Variants in NCDN observed in about 807,000 individuals in gnomAD.
NCDN encodes neurochondrin.
A neutral mutation model predicts 60.7 loss-of-function variants in NCDN; 9 were observed. The ratio of observed to expected loss-of-function variants is 0.15; its 90% CI spans 0.09 to 0.26. NCDN has a LOEUF of 0.26. Among genes scored for constraint, NCDN ranks in the 10% least tolerant of loss-of-function variants. NCDN has a pLI of 1.00. For synonymous variants in NCDN, 409 were observed against 442.5 expected (o/e 0.92, Z 0.95); for missense variants, 578 against 975.2 (o/e 0.59, Z 5.42).
rs1648851329 is a variant in NCDN at position 35,565,715 on chromosome 1, G to A, written c.*52G>A. 8.1e-6 allele frequency: 12 copies of A among 1,474,062 alleles called. No homozygotes were observed. Among genetic ancestry groups the A allele is most frequent in the Non-Finnish European group, 1.1e-5 (12 of 1,105,652 alleles). The allele number at this position is 1,474,062 out of a possible 1,614,324, so 91.3% of individuals were successfully genotyped here. On this transcript the variant is annotated 3_prime_UTR_variant, in exon 7 of 7. Transcript: ENST00000373243. This position sits in a 1 kb window ranked among gnomAD's most constrained non-coding sequence, Gnocchi z 8.9. Reference sequence around the variant, plus strand: ...GGGCGGGCAGAGAGGGAAGGAGGGAGGAGGCATCTTCCCTGAAGCCCCCAA... The same window carrying A: ...GGGCGGGCAGAGAGGGAAGGAGGGAAGAGGCATCTTCCCTGAAGCCCCCAA...
rs1347739249 is a variant in NCDN at position 35,562,480 on chromosome 1, G to A, written c.1232G>A (p.Arg411His). The A allele has an allele frequency of 1.1e-5, 17 of 1,614,166 alleles. No individual in the cohort carries two copies. Among genetic ancestry groups the A allele is most frequent in the Admixed American group, 1.7e-5 (1 of 60,030 alleles). Residue 411 changes from arginine to histidine, a missense_variant, in exon 4 of 7, where the codon CGT (arginine) becomes CAT (histidine). Transcript: ENST00000373243. The surrounding 1 kb of genome is among the most constrained non-coding windows in gnomAD (Gnocchi z 6.8). ...CTGGCCGAGGAGACCTCATCCTTGC[G>A]TAAGGAGGTGTGCCAGCTGCTGCCC... is the stretch of plus-strand genomic sequence containing the variant. ...AWLAEETSSL[R>H]KEVCQLLPFL... is the part of the protein sequence containing the mutation.
Position 35,558,205 on chromosome 1 carries a change from C to T in NCDN, c.15C>T (p.Asp5=), listed in dbSNP as rs1348296213. 2 of 1,613,982 alleles carry T rather than the reference C, an allele frequency of 1.2e-6. No homozygotes were observed. The highest frequency in any genetic ancestry group is 8.5e-7 in the Non-Finnish European group (1 of 1,180,012). The part of the protein sequence containing the change: MSCC[D]LAAAGQLGKA... ...TGACTTCATCAATGTCGTGTTGTGA[C>T]CTGGCTGCGGCGGGACAGGTGGTGA... Residue 5 remains aspartate, a synonymous_variant, in exon 1 of 7, where the codon GAC becomes GAT. Coordinates refer to ENST00000373243, the MANE Select transcript of NCDN (RefSeq NM_014284.3). This position sits in a 1 kb window ranked among gnomAD's most constrained non-coding sequence, Gnocchi z 6.3.
rs1276768527 is a variant in NCDN at position 35,560,124 on chromosome 1, A to G, written c.175-202A>G. Among the ~76,000 whole-genome samples, 1 of 152,186 alleles carries G rather than the reference A, an allele frequency of 6.6e-6. No individual in the cohort carries two copies. Among genetic ancestry groups the G allele is most frequent in the Non-Finnish European group, 1.5e-5 (1 of 68,032 alleles). On this transcript the variant is annotated intron_variant, in intron 2 of 6. Transcript: ENST00000373243. This position sits in a 1 kb window ranked among gnomAD's most constrained non-coding sequence, Gnocchi z 7.6. Reference sequence around the variant, plus strand: ...TTGAGGAAGACTAGACCTCACTTCCATGGGACAGTCACAGATGAGAGGGAT... The same window carrying G: ...TTGAGGAAGACTAGACCTCACTTCCGTGGGACAGTCACAGATGAGAGGGAT...
In NCDN at chr1:35,561,005, C is replaced by T; in HGVS notation, c.854C>T (p.Ala285Val). Reference protein sequence around the residue: ...SWQRNPALKLAARLAHACGSD... With the variant: ...SWQRNPALKLVARLAHACGSD... The stretch of plus-strand genomic sequence containing the variant: ...CAGCGCAACCCTGCACTGAAGCTGG[C>T]AGCCCGCCTGGCACACGCCTGCGGC... Residue 285 changes from alanine to valine, a missense_variant, in exon 3 of 7, where the codon GCA (alanine) becomes GTA (valine). Physicochemically the swap from Ala to Val is moderately conservative, Grantham distance 64. This residue lies in a region of NCDN where 363 missense variants were observed against 583.6 expected (regional missense o/e 0.62). Transcript: ENST00000373243. This position sits in a 1 kb window ranked among gnomAD's most constrained non-coding sequence, Gnocchi z 4.9. The T allele has an allele frequency of 6.2e-7, 1 of 1,612,414 alleles. No homozygotes were observed. The highest frequency in any genetic ancestry group is 8.5e-7 in the Non-Finnish European group (1 of 1,179,144).
At chr1:35,559,945 G>T (rs1648641724) in intron 2 of NCDN, among the ~76,000 whole-genome samples, 1 of 152,160 alleles carries the variant, frequency 6.6e-6, no homozygotes, top group Non-Finnish European at 1.5e-5. Context: ...ATGGATCAGG[G>T]ACTTCTCTGG....
In NCDN at chr1:35,565,569, G is replaced by C. The variant is rs1384220448; in HGVS notation, c.2096G>C (p.Arg699Pro). The change falls in exon 7 of 7, where the codon CGG becomes CCG. Residue 699 changes from arginine to proline, a missense_variant. Physicochemically the swap from Arg to Pro is moderately radical, Grantham distance 103. Around this residue, in one of 3 missense-constraint regions of NCDN, gnomAD observed 191 missense variants for 372.1 expected, o/e 0.51. Coordinates refer to ENST00000373243, the MANE Select transcript of NCDN (RefSeq NM_014284.3). This position sits in a 1 kb window ranked among gnomAD's most constrained non-coding sequence, Gnocchi z 8.9. ...CTGGTGGAGCTGGCGCGGGCCAACC[G>C]GCTGTGCCGGGAGGCCATGAGGCTG... is the stretch of plus-strand genomic sequence containing the variant. The part of the protein sequence containing the change: ...GVLVELARAN[R>P]LCREAMRLQA... 1 of 1,563,650 alleles carries C rather than the reference G, an allele frequency of 6.4e-7. No homozygotes were observed. Among genetic ancestry groups the C allele is most frequent in the Non-Finnish European group, 8.6e-7 (1 of 1,157,770 alleles).
At position 35,566,030 on chromosome 1, in the gene NCDN, C is replaced by A; in HGVS notation, c.*367C>A. 1 of 246,422 alleles carries A rather than the reference C, an allele frequency of 4.1e-6. No homozygotes were observed. The highest frequency in any genetic ancestry group is 8.0e-6 in the Non-Finnish European group (1 of 125,516). The allele number at this position is 246,422 out of a possible 1,614,324, so 15.3% of individuals were successfully genotyped here. A position where few individuals can be genotyped will look rare whatever the true frequency, so the allele number is the denominator to read the frequency against. On this transcript the variant is annotated 3_prime_UTR_variant, in exon 7 of 7. Transcript: ENST00000373243. The surrounding 1 kb of genome is among the most constrained non-coding windows in gnomAD (Gnocchi z 5.3). ...GACAGGGCTGGCAGGAGCAGACTGC[C>A]TCAGCCCATGTGCCCTGCCGGCCAG...
At position 35,560,681 on chromosome 1, in the gene NCDN, C is replaced by T. The variant is rs947943197; in HGVS notation, c.530C>T (p.Thr177Ile). Residue 177 changes from threonine to isoleucine, a missense_variant, in exon 3 of 7, where the codon ACC (threonine) becomes ATC (isoleucine). Transcript: ENST00000373243. The surrounding 1 kb of genome is among the most constrained non-coding windows in gnomAD (Gnocchi z 7.6). The part of the protein sequence containing the change: ...RGPRHLIAGG[T>I]VSALCQAYLG... ...CCTCGGCACCTCATTGCTGGTGGCA[C>T]CGTGTCTGCCCTATGCCAGGCATAC... The T allele has an allele frequency of 4.3e-6, 7 of 1,612,980 alleles. No individual in the cohort carries two copies. In the African/African-American group the frequency reaches 8.0e-5, roughly 18 times the overall value.
At chr1:35,564,028 G>C (rs1196046679) in intron 6 of NCDN, 119 bp downstream of exon 6, 2 of 1,261,648 alleles carry the variant, frequency 1.6e-6, no homozygotes, top group African/African-American at 3.0e-5. Flanking sequence ...CTAAGCAAGA[G>C]GAAATCTTTG....
chr1:35,566,416 A>G lies in NCDN; in HGVS notation c.*753A>G, dbSNP rs867620004. Reference sequence around the variant, plus strand: ...GTCCTTATCCCTGCTTGGACACCTGAGCATCTGATTCCTGTCCCCCTGGTG... The same window carrying G: ...GTCCTTATCCCTGCTTGGACACCTGGGCATCTGATTCCTGTCCCCCTGGTG... On this transcript the variant is annotated 3_prime_UTR_variant, in exon 7 of 7. Coordinates refer to ENST00000373243, the MANE Select transcript of NCDN (RefSeq NM_014284.3). This position sits in a 1 kb window ranked among gnomAD's most constrained non-coding sequence, Gnocchi z 5.3. 8.5e-5 allele frequency: 21 copies of G among 247,448 alleles called. No individual in the cohort carries two copies. Among genetic ancestry groups the G allele is most frequent in the African/African-American group, 4.5e-4 (20 of 44,368 alleles). 15.3% of individuals were successfully genotyped at this position (247,448 alleles called of 1,614,324 possible).
rs908562204 is a variant in NCDN at position 35,566,097 on chromosome 1, C to G, written c.*434C>G. 1 of 189,812 alleles carries G rather than the reference C, an allele frequency of 5.3e-6. No individual in the cohort carries two copies. Among genetic ancestry groups the G allele is most frequent in the African/African-American group, 2.4e-5 (1 of 41,956 alleles). 11.8% of individuals were successfully genotyped at this position (189,812 alleles called of 1,614,324 possible). On this transcript the variant is annotated 3_prime_UTR_variant, in exon 7 of 7. Coordinates refer to ENST00000373243, the MANE Select transcript of NCDN (RefSeq NM_014284.3). The surrounding 1 kb of genome is among the most constrained non-coding windows in gnomAD (Gnocchi z 5.3). ...GGCTGTGGTGCCTCCTCTGGCCCCC[C>G]AGGTCCACGTCCTTTAAATTGGCCC...
chr1:35,563,487 G>A lies in NCDN; in HGVS notation c.1610+61G>A. The A allele has an allele frequency of 6.4e-7, 1 of 1,553,034 alleles. No individual in the cohort carries two copies. The highest frequency in any genetic ancestry group is 2.3e-5 in the East Asian group (1 of 44,198). Reference sequence around the variant, plus strand: ...AGGAGGCAAAGGAGGCTGCCCAGTTGCCTCAATTCTCAGTCTCCTACTTTG... The same window carrying A: ...AGGAGGCAAAGGAGGCTGCCCAGTTACCTCAATTCTCAGTCTCCTACTTTG... On this transcript the variant is annotated intron_variant, in intron 5 of 6. Transcript: ENST00000373243. The surrounding 1 kb of genome is among the most constrained non-coding windows in gnomAD (Gnocchi z 6.6).
Position 35,565,687 on chromosome 1 carries a change from C to T in NCDN, c.*24C>T, listed in dbSNP as rs781317782. 1 of 1,521,402 alleles carries T rather than the reference C, an allele frequency of 6.6e-7. No individual in the cohort carries two copies. Among genetic ancestry groups the T allele is most frequent in the Admixed American group, 2.0e-5 (1 of 49,924 alleles). 94.2% of individuals were successfully genotyped at this position (1,521,402 alleles called of 1,614,324 possible). A position where few individuals can be genotyped will look rare whatever the true frequency, so the allele number is the denominator to read the frequency against. On this transcript the variant is annotated 3_prime_UTR_variant, in exon 7 of 7. Transcript: ENST00000373243. This position sits in a 1 kb window ranked among gnomAD's most constrained non-coding sequence, Gnocchi z 8.9. Reference sequence around the variant, plus strand: ...GAGGGGTGTCCACCGGGGACAGACCCAGGGGCGGGCAGAGAGGGAAGGAGG... The same window carrying T: ...GAGGGGTGTCCACCGGGGACAGACCTAGGGGCGGGCAGAGAGGGAAGGAGG...
At position 35,558,058 on chromosome 1, in the gene NCDN, C is replaced by CT. The variant is rs60735382; in HGVS notation, c.-121dup. On this transcript the variant is annotated 5_prime_UTR_variant, in exon 1 of 7. The change creates a premature stop within an existing upstream ORF in the 5' untranslated region. Transcript: ENST00000373243. The surrounding 1 kb of genome is among the most constrained non-coding windows in gnomAD (Gnocchi z 6.3). ...TGTCACAGCCCTTTTCAATATATATCTTTTTTTTTTTTAATTTGCCCTGTC... is the reference window on the plus strand; with the variant it reads ...TGTCACAGCCCTTTTCAATATATATCTTTTTTTTTTTTTAATTTGCCCTGTC... 0.042 allele frequency: 42,553 copies of CT among 1,007,352 alleles called. 405 individuals are homozygous for CT. The highest frequency in any genetic ancestry group is 0.13 in the African/African-American group (8,264 of 61,364). 62.4% of individuals were successfully genotyped at this position (1,007,352 alleles called of 1,614,324 possible). A position where few individuals can be genotyped will look rare whatever the true frequency, so the allele number is the denominator to read the frequency against.
Position 35,565,568 on chromosome 1 carries a change from C to T in NCDN, c.2095C>T (p.Arg699Trp). 6.4e-7 allele frequency: 1 copy of T among 1,563,324 alleles called. No individual in the cohort carries two copies. Among genetic ancestry groups the T allele is most frequent in the Non-Finnish European group, 8.6e-7 (1 of 1,157,510 alleles). ...CCTGGTGGAGCTGGCGCGGGCCAACCGGCTGTGCCGGGAGGCCATGAGGCT... is the reference window on the plus strand; with the variant it reads ...CCTGGTGGAGCTGGCGCGGGCCAACTGGCTGTGCCGGGAGGCCATGAGGCT... Reference protein sequence around the residue: ...GVLVELARANRLCREAMRLQA... With the variant: ...GVLVELARANWLCREAMRLQA... The change falls in exon 7 of 7, where the codon CGG becomes TGG. Residue 699 changes from arginine to tryptophan, a missense_variant. Around this residue, in one of 3 missense-constraint regions of NCDN, gnomAD observed 191 missense variants for 372.1 expected, o/e 0.51. Coordinates refer to ENST00000373243, the MANE Select transcript of NCDN (RefSeq NM_014284.3). This position sits in a 1 kb window ranked among gnomAD's most constrained non-coding sequence, Gnocchi z 8.9.
In NCDN at chr1:35,557,935, C is replaced by G; in HGVS notation, c.-256C>G. On this transcript the variant is annotated 5_prime_UTR_variant, in exon 1 of 7. Coordinates refer to ENST00000373243, the MANE Select transcript of NCDN (RefSeq NM_014284.3). ...CCCTGCATCCCAGCCGGGGCCTCTC[C>G]GAGCCGGCGCTGATCGATGCCGACA... The G allele has an allele frequency of 1.6e-6, 1 of 632,260 alleles. No homozygotes were observed. The highest frequency in any genetic ancestry group is 2.8e-5 in the East Asian group (1 of 35,576). The allele number at this position is 632,260 out of a possible 1,614,324, so 39.2% of individuals were successfully genotyped here.
chr1:35,562,265 G>A lies in NCDN; in HGVS notation c.1144-127G>A. On this transcript the variant is annotated intron_variant, in intron 3 of 6. Coordinates refer to ENST00000373243, the MANE Select transcript of NCDN (RefSeq NM_014284.3). This position sits in a 1 kb window ranked among gnomAD's most constrained non-coding sequence, Gnocchi z 6.8. ...TTCATGGGACAGAATAAAGGTTGGG[G>A]CCTGCCTTTGAAAGGCTCACAGGCC... 2 of 1,357,352 alleles carry A rather than the reference G, an allele frequency of 1.5e-6. No homozygotes were observed. The highest frequency in any genetic ancestry group is 2.0e-6 in the Non-Finnish European group (2 of 984,800). The allele number at this position is 1,357,352 out of a possible 1,614,324, so 84.1% of individuals were successfully genotyped here.
chr1:35,559,117 C>T lies in NCDN; in HGVS notation c.44C>T (p.Ala15Val), dbSNP rs756162956. The T allele has an allele frequency of 2.5e-6, 4 of 1,612,408 alleles. No homozygotes were observed. Among genetic ancestry groups the T allele is most frequent in the South Asian group, 1.1e-5 (1 of 91,018 alleles). The change falls in exon 2 of 7, where the codon GCG (alanine) becomes GTG (valine). Residue 15 changes from alanine to valine, a missense_variant. This residue lies in a region of NCDN where 363 missense variants were observed against 583.6 expected (regional missense o/e 0.62). Coordinates refer to ENST00000373243, the MANE Select transcript of NCDN (RefSeq NM_014284.3). ...DLAAAGQLGK[A>V]SIMASDCEPA... ...CTCTTGTGTTCACAGTTGGGCAAGG[C>T]GAGCATCATGGCCTCGGATTGCGAG...
Position 35,565,095 on chromosome 1 carries a change from G to T in NCDN, c.1754-132G>T. 1.1e-6 allele frequency: 1 copy of T among 897,236 alleles called. No homozygotes were observed. The highest frequency in any genetic ancestry group is 1.7e-6 in the Non-Finnish European group (1 of 588,132). The allele number at this position is 897,236 out of a possible 1,614,324, so 55.6% of individuals were successfully genotyped here. A position where few individuals can be genotyped will look rare whatever the true frequency, so the allele number is the denominator to read the frequency against. On this transcript the variant is annotated intron_variant, in intron 6 of 6. Coordinates refer to ENST00000373243, the MANE Select transcript of NCDN (RefSeq NM_014284.3). This position sits in a 1 kb window ranked among gnomAD's most constrained non-coding sequence, Gnocchi z 8.9. ...TCACACAGTGAGCATCTAAGGCAGGGTTTCAACGCAGGCAGTCTGATTCCA... is the reference window on the plus strand; with the variant it reads ...TCACACAGTGAGCATCTAAGGCAGGTTTTCAACGCAGGCAGTCTGATTCCA...
Sources: gnomAD v4.1 joint callset for allele counts (sites outside exome capture counted in the v4.1 genomes callset) on GRCh38, gnomAD v4.1.1 for gene constraint, gnomAD v4.1.1 regional missense constraint, Gnocchi (gnomAD v3.1) non-coding constraint, MANE v1.5 for transcripts, NCBI Gene and HGNC (gene_info 2026-07-23, HGNC 2026-07-21) for gene names.